The following NAV3 variants were observed in gnomAD, a reference collection of about 807,000 sequenced individuals.
NAV3 encodes pore membrane and/or filament interacting like protein 1.
In NAV3, 87 loss-of-function variants were observed where a neutral mutation model predicts 244.7. The ratio of observed to expected loss-of-function variants is 0.36; its 90% CI spans 0.30 to 0.42. NAV3 has a LOEUF of 0.42. Among genes scored for constraint, NAV3 ranks in the 20% least tolerant of loss-of-function variants. The pLI is 1.00. For missense variants in NAV3, 2,663 were observed against 2,893.3 expected (o/e 0.92, Z 1.83); for synonymous variants, 1,126 against 1,042.2 (o/e 1.08, Z -1.55).
At chr12:77,615,927 G>A (rs1274687029) in intron 2 of NAV3, among the ~76,000 whole-genome samples, 1 of 152,114 alleles carries the variant, frequency 6.6e-6, no homozygotes, top group Non-Finnish European at 1.5e-5. Flanking sequence ...AACTTGCGGG[G>A]CAGAGGGGGA....
chr12:77,691,543 A>T (rs2137160931), intron 2 of NAV3, among the ~76,000 whole-genome samples: 1 of 151,210 alleles, frequency 6.6e-6, no homozygotes, highest in East Asian at 1.9e-4. Context: ...TTATTTCCAT[A>T]ATGAAAGAAT....
chr12:78,002,532 A>G (rs922916536), intron 7 of NAV3, among the ~76,000 whole-genome samples: 2 of 152,164 alleles, frequency 1.3e-5, no homozygotes, highest in Non-Finnish European at 2.9e-5. Context: ...AGAATTATGC[A>G]TTAGTCTTTA....
intron 2 of NAV3, among the ~76,000 whole-genome samples, chr12:77,695,627 T>C (rs116160293): frequency 8.4e-4 from 128 of 152,262 alleles, no homozygotes; most frequent in African/African-American, 2.9e-3. Context: ...CAAAATACGA[T>C]GAATAATTAC....
chr12:78,114,086 A>T (rs1955243596), intron 12 of NAV3, among the ~76,000 whole-genome samples: 1 of 152,214 alleles, frequency 6.6e-6, no homozygotes, highest in South Asian at 2.1e-4. Context: ...AAGCATAACA[A>T]GAGTCACCTT....
At chr12:77,738,855 C>A (rs1346480658) in intron 2 of NAV3, among the ~76,000 whole-genome samples, 3 of 151,452 alleles carry the variant, frequency 2.0e-5, no homozygotes, top group Non-Finnish European at 4.4e-5. Context: ...CTAAAAAATA[C>A]AAAAAAATTA....
chr12:78,119,150 A>C lies in NAV3; in HGVS notation c.3041-87A>C, dbSNP rs1432768379. 2.5e-6 allele frequency: 3 copies of C among 1,212,022 alleles called. No individual in the cohort carries two copies. The African/African-American group carries it at 4.6e-5, about 18-fold the overall frequency. 75.1% of individuals were successfully genotyped at this position (1,212,022 alleles called of 1,614,324 possible). A position where few individuals can be genotyped will look rare whatever the true frequency, so the allele number is the denominator to read the frequency against. ...TTTAGGAAGGGAAATAATATAAAGA[A>C]GCATTCACATTTTACACATTGTTTC... is the stretch of plus-strand genomic sequence containing the variant. On this transcript the variant is annotated intron_variant, in intron 14 of 39. Coordinates refer to ENST00000397909, the MANE Select transcript of NAV3 (RefSeq NM_001024383.2).
chr12:78,093,582 A>G (rs1036535097), intron 12 of NAV3, among the ~76,000 whole-genome samples: 2 of 152,220 alleles, frequency 1.3e-5, no homozygotes, highest in Admixed American at 1.3e-4. Flanking sequence ...TGGAAAAGCT[A>G]TAGGGAATAG....
intron 12 of NAV3, among the ~76,000 whole-genome samples, chr12:78,112,609 A>C (rs1342215640): frequency 6.6e-6 from 1 of 152,122 alleles, no homozygotes; most frequent in Non-Finnish European, 1.5e-5. Context: ...ACAAGAACAC[A>C]ATTAGAGTAA....
chr12:78,073,723 G>A (rs142689285), intron 12 of NAV3, among the ~76,000 whole-genome samples: 525 of 152,126 alleles, frequency 3.5e-3, no homozygotes, highest in Non-Finnish European at 5.0e-3. Context: ...AAAAGAGCCC[G>A]CATCGCCAAG....
chr12:78,122,464 C>T (rs2138709833), intron 16 of NAV3, 36 bp downstream of exon 16: 1 of 1,541,290 alleles, frequency 6.5e-7, no homozygotes. Flanking sequence ...ACATCTTCCC[C>T]CTCTTCCCTG....
At chr12:78,084,682 C>A (rs929495170) in intron 12 of NAV3, among the ~76,000 whole-genome samples, 2 of 152,032 alleles carry the variant, frequency 1.3e-5, no homozygotes, top group Non-Finnish European at 2.9e-5. Flanking sequence ...TCTCTGTTGT[C>A]TGTTGAATCC....
chr12:78,176,565 T>A lies in NAV3; in HGVS notation c.5124+106T>A, dbSNP rs1318798954. ...AGGCTTTTATACCTTTTAAAACAGA[T>A]TACCTTGTATGTCTTTTCTTTGTGT... On this transcript the variant is annotated intron_variant, in intron 26 of 39. Coordinates refer to ENST00000397909, the MANE Select transcript of NAV3 (RefSeq NM_001024383.2). 4.1e-6 allele frequency: 4 copies of A among 986,996 alleles called. No individual in the cohort carries two copies. In the East Asian group the frequency reaches 1.0e-4, roughly 25 times the overall value. The allele number at this position is 986,996 out of a possible 1,614,324, so 61.1% of individuals were successfully genotyped here.
At position 77,756,840 on chromosome 12, in the gene NAV3, A is replaced by T. The variant is rs138161814; in HGVS notation, c.73-183479A>T. Among the ~76,000 whole-genome samples, 552 of 152,282 alleles carry T rather than the reference A, an allele frequency of 3.6e-3. 6 individuals carry two copies. Among genetic ancestry groups the T allele is most frequent in the African/African-American group, 0.013 (533 of 41,558 alleles). On this transcript the variant is annotated intron_variant, in intron 2 of 8. Transcript: ENST00000550042. The stretch of plus-strand genomic sequence containing the variant: ...TTATTGAACTATTCCTTGCCATTAA[A>T]AAATTATATATAGTAGATTTTATCT...
intron 12 of NAV3, among the ~76,000 whole-genome samples, chr12:78,070,553 CT>C (rs1024243215): frequency 2.6e-5 from 4 of 151,718 alleles, no homozygotes; most frequent in Admixed American, 6.6e-5. Flanking sequence ...GTTTAAATTT[CT>C]TTTTTTTATT....
At chr12:77,767,950 G>C (rs1869864690) in intron 2 of NAV3, among the ~76,000 whole-genome samples, 1 of 152,246 alleles carries the variant, frequency 6.6e-6, no homozygotes, top group African/African-American at 2.4e-5. Context: ...AAGGTATGCA[G>C]ACAACTGGAG....
chr12:77,887,886 T>A (rs1304289977), intron 1 of NAV3, among the ~76,000 whole-genome samples: 1 of 152,182 alleles, frequency 6.6e-6, no homozygotes, highest in Non-Finnish European at 1.5e-5. Context: ...TCAGAAATTT[T>A]TAAATCATGT....
At chr12:77,939,885 G>T (rs1889698727) in intron 1 of NAV3, among the ~76,000 whole-genome samples, 1 of 152,106 alleles carries the variant, frequency 6.6e-6, no homozygotes, top group South Asian at 2.1e-4. Flanking sequence ...TATCTCACAT[G>T]ACAAATTCAA....
chr12:77,976,521 T>A (rs201729162), intron 5 of NAV3, among the ~76,000 whole-genome samples: 2 of 86,192 alleles, frequency 2.3e-5, no homozygotes, highest in Admixed American at 1.4e-4. Flanking sequence ...GCAGAAAGCG[T>A]TCAATGGAGA....
At chr12:77,609,560 A>G (rs1423816195) in intron 2 of NAV3, among the ~76,000 whole-genome samples, 1 of 152,074 alleles carries the variant, frequency 6.6e-6, no homozygotes, top group Non-Finnish European at 1.5e-5. Context: ...AAGGATTATT[A>G]AAAGTTAGCT....
Sources: allele counts gnomAD v4.1 joint callset (sites outside exome capture counted in the v4.1 genomes callset), GRCh38; gene constraint gnomAD v4.1.1; transcripts MANE v1.5; gene names NCBI Gene and HGNC (gene_info 2026-07-23, HGNC 2026-07-21).